SLC9A9: variants seen among roughly 807,000 people sequenced by gnomAD.
The protein encoded by SLC9A9 is sodium/hydrogen exchanger 9.
A neutral mutation model predicts 77.8 loss-of-function variants in SLC9A9; 62 were observed. The ratio of observed to expected loss-of-function variants is 0.80; its 90% CI spans 0.65 to 0.98. The LOEUF (loss-of-function observed/expected upper bound fraction) is 0.98. Ranked by LOEUF, SLC9A9 falls within the 50% of genes least tolerant of loss-of-function variation. The probability of loss-of-function intolerance (pLI) is 0.00; values close to 1 mark genes in which losing one functional copy is unlikely to be tolerated. For synonymous variants in SLC9A9, 320 were observed against 283.5 expected (o/e 1.13, Z -1.29); for missense variants, 775 against 774.9 (o/e 1.00, Z 0.00).
chr3:143,662,746 G>T (rs181059531), intron 5 of SLC9A9, among the ~76,000 whole-genome samples: 4 of 152,070 alleles, frequency 2.6e-5, no homozygotes, highest in East Asian at 1.9e-4. Context: ...CAGCCAGGCT[G>T]GGGGAGGGGT....
At chr3:143,652,589 C>G (rs1253969246) in intron 5 of SLC9A9, among the ~76,000 whole-genome samples, 2 of 152,088 alleles carry the variant, frequency 1.3e-5, no homozygotes, top group Non-Finnish European at 2.9e-5. Context: ...ACCCTACAAT[C>G]TGCACCTTGC....
chr3:143,529,228 C>T lies in SLC9A9; in HGVS notation c.1089+23134G>A, dbSNP rs137879097. On this transcript the variant is annotated intron_variant, in intron 9 of 15. Transcript: ENST00000316549. ...GAAGTCAACATCTTATGATCAGAAC[C>T]GCAATACTGAGATAGCTAAGAAAAC... 4.6e-3 allele frequency among the ~76,000 whole-genome samples: 707 copies of T among 152,160 alleles called. 2 individuals carry two copies. Among genetic ancestry groups the T allele is most frequent in the Admixed American group, 7.3e-3 (112 of 15,286 alleles).
chr3:143,356,554 T>C (rs765145377), intron 14 of SLC9A9, among the ~76,000 whole-genome samples: 1 of 152,154 alleles, frequency 6.6e-6, no homozygotes, highest in Non-Finnish European at 1.5e-5. Flanking sequence ...AGGATCTCAC[T>C]TTGTTGCCCA....
chr3:143,376,696 T>C (rs996972804), intron 13 of SLC9A9, among the ~76,000 whole-genome samples: 78 of 152,266 alleles, frequency 5.1e-4, no homozygotes, highest in Non-Finnish European at 8.7e-4. Flanking sequence ...CAGTAAAAAG[T>C]TAGTAGGGGG....
At chr3:143,801,359 A>C (rs2008552322) in intron 2 of SLC9A9, among the ~76,000 whole-genome samples, 1 of 152,070 alleles carries the variant, frequency 6.6e-6, no homozygotes, top group African/African-American at 2.4e-5. Flanking sequence ...AAAATCACAC[A>C]CTATGCTCAA....
chr3:143,276,761 C>A (rs1235357507), intron 14 of SLC9A9, among the ~76,000 whole-genome samples: 1 of 151,684 alleles, frequency 6.6e-6, no homozygotes, highest in African/African-American at 2.4e-5. Context: ...CCTTCCCTGG[C>A]TGTAGAGTTT....
intron 13 of SLC9A9, among the ~76,000 whole-genome samples, chr3:143,378,979 C>T (rs529416435): frequency 6.6e-6 from 1 of 151,974 alleles, no homozygotes; most frequent in African/African-American, 2.4e-5. Flanking sequence ...AGTTATTTTA[C>T]TTTCCACAGC....
chr3:143,372,905 A>G (rs1390110094), intron 13 of SLC9A9, among the ~76,000 whole-genome samples: 1 of 152,214 alleles, frequency 6.6e-6, no homozygotes, highest in Non-Finnish European at 1.5e-5. Context: ...CCACAATGAG[A>G]TACTACTTTA....
chr3:143,597,485 G>A (rs553372164), intron 6 of SLC9A9, among the ~76,000 whole-genome samples: 101 of 152,326 alleles, frequency 6.6e-4, no homozygotes, highest in Admixed American at 1.0e-3. Context: ...CTTGCGTGGG[G>A]GTGGCCAATT....
chr3:143,647,167 ACTGT>A (rs1215132329), intron 6 of SLC9A9, among the ~76,000 whole-genome samples: 2 of 152,310 alleles, frequency 1.3e-5, no homozygotes, highest in Non-Finnish European at 2.9e-5. Flanking sequence ...AAGTGCTATT[ACTGT>A]CTATTTTACA....
chr3:143,505,547 A>T (rs1355303254), intron 9 of SLC9A9, among the ~76,000 whole-genome samples: 2 of 152,192 alleles, frequency 1.3e-5, no homozygotes, highest in East Asian at 3.9e-4. Context: ...TTAAGCGTTC[A>T]GAGAGCTGCT....
At chr3:143,839,637 C>A (rs956156136) in intron 1 of SLC9A9, among the ~76,000 whole-genome samples, 8 of 152,094 alleles carry the variant, frequency 5.3e-5, no homozygotes, top group Non-Finnish European at 8.8e-5. Context: ...TACACATATA[C>A]ACAATGTACA....
chr3:143,295,926 AG>A (rs10706457), intron 14 of SLC9A9, among the ~76,000 whole-genome samples: 128,375 of 152,088 alleles, frequency 0.84, 54,557 homozygotes, highest in African/African-American at 0.95. Context: ...TTCAGAAATG[AG>A]GGCCCCCATA....
At position 143,637,959 on chromosome 3, in the gene SLC9A9, A is replaced by T. The variant is rs189579637; in HGVS notation, c.755+14296T>A. 6.9e-4 allele frequency among the ~76,000 whole-genome samples: 105 copies of T among 152,380 alleles called. 2 individuals carry two copies. The East Asian group carries it at 0.016, about 23-fold the overall frequency. On this transcript the variant is annotated intron_variant, in intron 6 of 15. Transcript: ENST00000316549. ...AAAAGAAAGCCAACTGCATACATGCATATATTTTTCTACTTTTCCTAACTT... is the reference window on the plus strand; with the variant it reads ...AAAAGAAAGCCAACTGCATACATGCTTATATTTTTCTACTTTTCCTAACTT...
chr3:143,763,988 A>T lies in SLC9A9; in HGVS notation c.533+31013T>A, dbSNP rs117712032. Among the ~76,000 whole-genome samples the T allele has an allele frequency of 1.1e-4, 17 of 152,256 alleles. No individual in the cohort carries two copies. In the East Asian group the frequency reaches 3.3e-3, roughly 29 times the overall value. ...TAGGTCAGTCTCTACTAAGGTCTCC[A>T]AACCATGAAAGACCATCACATGTCA... On this transcript the variant is annotated intron_variant, in intron 4 of 15. Coordinates refer to ENST00000316549, the MANE Select transcript of SLC9A9 (RefSeq NM_173653.4).
intron 6 of SLC9A9, among the ~76,000 whole-genome samples, chr3:143,626,083 T>C (rs2038318864): frequency 6.6e-6 from 1 of 152,140 alleles, no homozygotes. Flanking sequence ...CTCACACCAG[T>C]TGGAATGGCG....
At chr3:143,766,580 T>C (rs915453782) in intron 4 of SLC9A9, among the ~76,000 whole-genome samples, 7 of 152,082 alleles carry the variant, frequency 4.6e-5, no homozygotes, top group Admixed American at 2.6e-4. Context: ...AAAGTTTTTT[T>C]TGTTTTTGAG....
Position 143,495,344 on chromosome 3 carries a change from A to C in SLC9A9, c.1194T>G (p.Leu398=). 6.2e-7 allele frequency: 1 copy of C among 1,611,878 alleles called. No individual in the cohort carries two copies. Among genetic ancestry groups the C allele is most frequent in the East Asian group, 2.2e-5 (1 of 44,866 alleles). Residue 398 remains leucine (L), a synonymous_variant, in exon 10 of 16, where the codon CTT becomes CTG. Coordinates refer to ENST00000316549, the MANE Select transcript of SLC9A9 (RefSeq NM_173653.4). ...QNHIFNALFI[L]GAFLAIFVAR... is the part of the protein sequence containing the mutation. ...GTATTTCAAAGGATACAAAGGCTCC[A>C]AGTATAAAAAGAGCATTAAAGATAT...
chr3:143,730,933 C>A (rs1243230026), intron 4 of SLC9A9, among the ~76,000 whole-genome samples: 2 of 152,158 alleles, frequency 1.3e-5, no homozygotes, highest in African/African-American at 2.4e-5. Context: ...TCTTGGCTCA[C>A]ATTGCTTATT....
Sources: allele counts gnomAD v4.1 joint callset (sites outside exome capture counted in the v4.1 genomes callset), GRCh38; gene constraint gnomAD v4.1.1; transcripts MANE v1.5; gene names NCBI Gene and HGNC (gene_info 2026-07-23, HGNC 2026-07-21).